The following GC variants were observed in gnomAD, a reference collection of about 807,000 sequenced individuals.
GC encodes the protein vitamin D-binding protein.
Under a neutral mutation model 56.7 loss-of-function variants are expected in GC, and 43 were observed. That is an observed-to-expected ratio of 0.76 (90% confidence interval 0.59 to 0.98). The LOEUF is 0.98. GC is among the 50% of genes least tolerant of loss of function. GC has a pLI of 0.00. For synonymous variants in GC, 216 were observed against 202.7 expected, an observed-to-expected ratio of 1.07 and a Z score of -0.56; for missense variants, 529 against 545.9, an observed-to-expected ratio of 0.97 and a Z score of 0.31.
intron 6 of GC, among the ~76,000 whole-genome samples, chr4:71,759,972 G>A (rs1324612883): frequency 6.6e-6 from 1 of 151,476 alleles, no homozygotes; most frequent in Non-Finnish European, 1.5e-5. Flanking sequence ...GAAAACTAAA[G>A]AAAGGACTAG....
intron 6 of GC, among the ~76,000 whole-genome samples, chr4:71,762,267 A>G (rs1742003775): frequency 1.3e-5 from 2 of 152,136 alleles, no homozygotes; most frequent in African/African-American, 4.8e-5. Context: ...GCCCCACTGG[A>G]TTTTGAACTT....
intron 1 of GC, among the ~76,000 whole-genome samples, chr4:71,794,652 T>C (rs1743053746): frequency 6.6e-6 from 1 of 152,184 alleles, no homozygotes. Context: ...TGTGTCTCTA[T>C]CTCCTTGAGT....
At chr4:71,746,110 A>G (rs1578277493) in intron 12 of GC, 41 bp downstream of exon 12, 4 of 776,778 alleles carry the variant, frequency 5.1e-6, no homozygotes, top group African/African-American at 1.7e-5. Context: ...ACATCCTACA[A>G]TGCTGGATCC....
chr4:71,778,109 G>A (rs1269190080), intron 1 of GC, among the ~76,000 whole-genome samples: 3 of 151,776 alleles, frequency 2.0e-5, no homozygotes, highest in Non-Finnish European at 4.4e-5. Flanking sequence ...TGAAAGACAT[G>A]TATAACTACA....
At chr4:71,770,855 G>C (rs1043989192) in intron 1 of GC, among the ~76,000 whole-genome samples, 1 of 152,146 alleles carries the variant, frequency 6.6e-6, no homozygotes, top group African/African-American at 2.4e-5. Flanking sequence ...TGGTATTTGA[G>C]AGGGAACAGA....
At chr4:71,803,690 T>C (rs1743300835) in intron 1 of GC, among the ~76,000 whole-genome samples, 1 of 152,242 alleles carries the variant, frequency 6.6e-6, no homozygotes, top group Non-Finnish European at 1.5e-5. Context: ...CAACATACTC[T>C]GTCTTTTGGA....
At chr4:71,769,188 G>A (rs1197800534) in intron 2 of GC, 143 bp downstream of exon 2, 8 of 609,008 alleles carry the variant, frequency 1.3e-5, no homozygotes, top group Non-Finnish European at 2.3e-5. Flanking sequence ...CTTGACTCCT[G>A]TGCCTACCTT....
At chr4:71,766,386 C>CTGA (rs1373428789) in intron 3 of GC, among the ~76,000 whole-genome samples, 1 of 152,110 alleles carries the variant, frequency 6.6e-6, no homozygotes, top group East Asian at 1.9e-4. Context: ...CAATGATACA[C>CTGA]TGATACCTGT....
chr4:71,758,448 A>C (rs1018596545), intron 6 of GC, among the ~76,000 whole-genome samples: 13 of 152,308 alleles, frequency 8.5e-5, no homozygotes, highest in African/African-American at 3.1e-4. Context: ...AAAATGTTAG[A>C]TCTAAAGCAT....
chr4:71,796,214 G>A (rs1427508932), intron 1 of GC, among the ~76,000 whole-genome samples: 4 of 152,162 alleles, frequency 2.6e-5, no homozygotes, highest in Admixed American at 6.5e-5. Flanking sequence ...GGCCTGCCTT[G>A]CTGGTTTGGG....
At chr4:71,755,596 T>C (rs1227511258) in intron 8 of GC, among the ~76,000 whole-genome samples, 3 of 152,192 alleles carry the variant, frequency 2.0e-5, no homozygotes, top group Non-Finnish European at 4.4e-5. Flanking sequence ...TTCATTGAGA[T>C]ACAAGCTATT....
chr4:71,756,685 A>G (rs1486543269), intron 8 of GC, 27 bp downstream of exon 8: 1 of 1,524,966 alleles, frequency 6.6e-7, no homozygotes, highest in Non-Finnish European at 9.1e-7. Flanking sequence ...TAAAATGGGA[A>G]AACGTTTTCA....
intron 2 of GC, among the ~76,000 whole-genome samples, chr4:71,768,702 G>A (rs938521532): frequency 1.5e-4 from 23 of 152,144 alleles, no homozygotes; most frequent in African/African-American, 5.6e-4. Context: ...TTGACTTTGC[G>A]ATCCACCCTC....
At chr4:71,804,978 C>T (rs918854394), upstream of GC, among the ~76,000 whole-genome samples, 1 of 152,072 alleles carries the variant, frequency 6.6e-6, no homozygotes, top group East Asian at 1.9e-4. Context: ...CCTGTTTAGG[C>T]TCTTCTGAGT....
rs879823676 is a variant in GC at position 71,768,286 on chromosome 4, G to A, written c.261+15C>T. 4 of 1,575,906 alleles carry A rather than the reference G, an allele frequency of 2.5e-6. No homozygotes were observed. Among genetic ancestry groups the A allele is most frequent in the Non-Finnish European group, 3.5e-6 (4 of 1,158,580 alleles). On this transcript the variant is annotated intron_variant, in intron 3 of 12. Transcript: ENST00000273951. ...CTCTGGGCTGCCACAGAGACGGCCAGCCACAGAAACCTACCCTGGTGTCAT... is the reference window on the plus strand; with the variant it reads ...CTCTGGGCTGCCACAGAGACGGCCAACCACAGAAACCTACCCTGGTGTCAT...
intron 1 of GC, among the ~76,000 whole-genome samples, chr4:71,789,180 T>A (rs1046548010): frequency 6.6e-6 from 1 of 151,774 alleles, no homozygotes; most frequent in South Asian, 2.1e-4. Context: ...AAAGATAAAA[T>A]ATAATATGTG....
At chr4:71,803,967 C>A (rs767144640) in exon 1 of GC, 92 of 1,462,376 alleles carry the variant, frequency 6.3e-5, no homozygotes, top group Non-Finnish European at 8.2e-5. Flanking sequence ...TTGGACTAGT[C>A]CAGATCATCA....
At chr4:71,787,241 T>G (rs1742862790), upstream of GC, among the ~76,000 whole-genome samples, 1 of 151,888 alleles carries the variant, frequency 6.6e-6, no homozygotes, top group Non-Finnish European at 1.5e-5. Flanking sequence ...CCAATGCCTG[T>G]GCTTAAAGTT....
In GC at chr4:71,758,172, C is replaced by G; in HGVS notation, c.702-1G>C. Reference sequence around the variant, plus strand: ...TTTTTGGGCTAACTTTATGAGATTGCTAAACAGTTAAAAATAAATATGTTA... The same window carrying G: ...TTTTTGGGCTAACTTTATGAGATTGGTAAACAGTTAAAAATAAATATGTTA... On this transcript the variant is annotated splice_acceptor_variant, in intron 6 of 12. Coordinates refer to ENST00000273951, the MANE Select transcript of GC (RefSeq NM_000583.4). LOFTEE classifies it high-confidence loss of function. 2 of 1,610,864 alleles carry G rather than the reference C, an allele frequency of 1.2e-6. No homozygotes were observed. The highest frequency in any genetic ancestry group is 1.7e-6 in the Non-Finnish European group (2 of 1,178,228).
Sources: allele counts gnomAD v4.1 joint callset (sites outside exome capture counted in the v4.1 genomes callset), GRCh38; gene constraint gnomAD v4.1.1; transcripts MANE v1.5; gene names NCBI Gene and HGNC (gene_info 2026-07-23, HGNC 2026-07-21).